Variants in NUP210L observed in about 807,000 individuals in gnomAD.
NUP210L encodes nuclear pore membrane glycoprotein 210-like.
Under a neutral mutation model 208.5 loss-of-function variants are expected in NUP210L, and 74 were observed. The ratio of observed to expected loss-of-function variants is 0.35; its 90% CI spans 0.29 to 0.43. The LOEUF (loss-of-function observed/expected upper bound fraction) is 0.43, where lower values mean the gene tolerates loss of function less well. Ranked by LOEUF, NUP210L falls within the 20% of genes least tolerant of loss-of-function variation. The probability of loss-of-function intolerance (pLI) is 1.00; values close to 1 mark genes in which losing one functional copy is unlikely to be tolerated. For missense variants in NUP210L, 1,843 were observed against 2,289.4 expected (o/e 0.81, Z 3.98); for synonymous variants, 780 against 816.9 (o/e 0.95, Z 0.77).
intron 12 of NUP210L, among the ~76,000 whole-genome samples, chr1:154,109,987 A>G (rs955862422): frequency 1.4e-4 from 21 of 151,322 alleles, no homozygotes; most frequent in African/African-American, 3.7e-4. Context: ...TAATCCCTGC[A>G]CTTTGGGAGG....
chr1:154,034,912 ACTCATTGCAAC>A (rs1334527819), intron 27 of NUP210L, among the ~76,000 whole-genome samples: 2 of 142,268 alleles, frequency 1.4e-5, no homozygotes, highest in African/African-American at 5.3e-5. Context: ...CACAATCTTG[ACTCATTGCAAC>A]CTCTGCCTCC....
At chr1:154,029,583 G>A (rs960355272) in intron 28 of NUP210L, among the ~76,000 whole-genome samples, 70 of 151,932 alleles carry the variant, frequency 4.6e-4, no homozygotes, top group African/African-American at 1.5e-3. Context: ...CATGCTACTC[G>A]GGAGGCTGAG....
chr1:154,102,793 T>A (rs1488008082), intron 13 of NUP210L, among the ~76,000 whole-genome samples: 1 of 152,198 alleles, frequency 6.6e-6, no homozygotes, highest in Non-Finnish European at 1.5e-5. Flanking sequence ...AGATATTTTA[T>A]CCTTTTTCAA....
At chr1:154,041,682 G>A (rs1165336794) in intron 27 of NUP210L, among the ~76,000 whole-genome samples, 1 of 151,894 alleles carries the variant, frequency 6.6e-6, no homozygotes, top group African/African-American at 2.4e-5. Context: ...AAAACTGGCT[G>A]ACCATCTTCC....
chr1:154,058,649 A>G (rs1248315364), exon 21 of NUP210L: 1 of 1,613,958 alleles, frequency 6.2e-7, no homozygotes, highest in South Asian at 1.1e-5. Context: ...CCAAACAAAG[A>G]TCATAGACCT....
At chr1:154,117,594 A>AT in intron 12 of NUP210L, 131 bp downstream of exon 12, 1 of 703,824 alleles carries the variant, frequency 1.4e-6, no homozygotes, top group Non-Finnish European at 2.3e-6. Context: ...CAAAAAAAAA[A>AT]GTATTTCTTG....
intron 17 of NUP210L, among the ~76,000 whole-genome samples, chr1:154,062,093 T>C (rs899749724): frequency 1.3e-5 from 2 of 152,148 alleles, no homozygotes; most frequent in African/African-American, 4.8e-5. Context: ...CCCAAAGTGC[T>C]GGGATTACAG....
At chr1:154,001,559 C>T (rs1380563202) in intron 36 of NUP210L, among the ~76,000 whole-genome samples, 176 bp downstream of exon 36, 2 of 152,130 alleles carry the variant, frequency 1.3e-5, no homozygotes, top group Non-Finnish European at 2.9e-5. Flanking sequence ...ATTTTGGACT[C>T]TGGGAGCCTG....
At chr1:154,148,971 T>G (rs1234026584) in intron 2 of NUP210L, among the ~76,000 whole-genome samples, 2 of 151,966 alleles carry the variant, frequency 1.3e-5, no homozygotes, top group Non-Finnish European at 2.9e-5. Flanking sequence ...CCCTTTTCAG[T>G]AGAGAAATGT....
intron 33 of NUP210L, among the ~76,000 whole-genome samples, chr1:154,013,302 G>C (rs1019398857): frequency 5.9e-5 from 9 of 152,276 alleles, no homozygotes; most frequent in Admixed American, 5.9e-4. Flanking sequence ...GGCCAGGTGC[G>C]GTGGCTCATG....
At chr1:154,032,992 A>AGAAAG (rs1236448317) in intron 27 of NUP210L, among the ~76,000 whole-genome samples, 1 of 150,564 alleles carries the variant, frequency 6.6e-6, no homozygotes, top group African/African-American at 2.5e-5. Flanking sequence ...AGAAAAGAAA[A>AGAAAG]GAAAGAAAGA....
At chr1:154,047,902 C>T (rs6671009) in intron 25 of NUP210L, among the ~76,000 whole-genome samples, 19,435 of 151,950 alleles carry the variant, frequency 0.13, 1,735 homozygotes, top group East Asian at 0.47. Flanking sequence ...GTCATTGGAG[C>T]GACGGTTGGA....
chr1:154,000,209 G>T (rs975806963), intron 37 of NUP210L, among the ~76,000 whole-genome samples: 6 of 152,050 alleles, frequency 3.9e-5, no homozygotes, highest in Admixed American at 2.0e-4. Flanking sequence ...TTGTATTTTG[G>T]GTAGGTTTGG....
chr1:154,118,758 C>G (rs776950273), exon 11 of NUP210L: 5 of 1,596,412 alleles, frequency 3.1e-6, no homozygotes, highest in Non-Finnish European at 4.3e-6. Context: ...AATAAATCTT[C>G]ACTTCTTGTT....
intron 10 of NUP210L, among the ~76,000 whole-genome samples, chr1:154,125,676 AG>A (rs1657877759): frequency 5.0e-4 from 2 of 4,038 alleles, no homozygotes; most frequent in African/African-American, 1.0e-3. Flanking sequence ...GAAGGAAGGA[AG>A]GAAGGAAGGA....
intron 2 of NUP210L, among the ~76,000 whole-genome samples, chr1:154,149,418 T>C (rs972703001): frequency 4.6e-5 from 7 of 151,656 alleles, no homozygotes; most frequent in South Asian, 2.1e-4. Flanking sequence ...CCATTGACCA[T>C]AAAGAAAAAA....
chr1:154,018,281 T>G (rs1310607006), intron 33 of NUP210L, among the ~76,000 whole-genome samples: 1 of 152,168 alleles, frequency 6.6e-6, no homozygotes, highest in East Asian at 1.9e-4. Context: ...CTTTTTTCTA[T>G]TTTACATTCA....
Position 154,081,217 on chromosome 1 carries a change from CAAGTAT to C in NUP210L, c.2361+8198_2361+8203del, listed in dbSNP as rs542141510. Among the ~76,000 whole-genome samples, 325 of 145,582 alleles carry C rather than the reference CAAGTAT, an allele frequency of 2.2e-3. 1 individual carries two copies. The highest frequency in any genetic ancestry group is 8.0e-3 in the African/African-American group (313 of 39,310). On this transcript the variant is annotated intron_variant, in intron 16 of 39. Transcript: ENST00000368559. ...GTCTGCAAGAGACACTCATGGGTCACAAGTATAAGGATGGAAAAAAAAAAAAGATGT... is the reference window on the plus strand; with the variant it reads ...GTCTGCAAGAGACACTCATGGGTCACAAGGATGGAAAAAAAAAAAAGATGT...
intron 12 of NUP210L, among the ~76,000 whole-genome samples, chr1:154,113,411 C>T (rs1190485427): frequency 6.6e-6 from 1 of 151,902 alleles, no homozygotes. Context: ...GCATCTAACT[C>T]CATGTAGGAG....
Sources: allele counts gnomAD v4.1 joint callset (sites outside exome capture counted in the v4.1 genomes callset), GRCh38; gene constraint gnomAD v4.1.1; transcripts MANE v1.5; gene names NCBI Gene and HGNC (gene_info 2026-07-23, HGNC 2026-07-21).